The following SUGCT variants were observed in gnomAD, a reference collection of about 807,000 sequenced individuals.
SUGCT encodes succinyl-CoA:glutarate CoA-transferase.
In SUGCT, 41 loss-of-function variants were observed where a neutral mutation model predicts 55.0. That is an observed-to-expected ratio of 0.74 (90% CI 0.58 to 0.97). SUGCT has a LOEUF of 0.97. Among genes scored for constraint, SUGCT ranks in the 50% least tolerant of loss-of-function variants. The pLI is 0.00. For missense variants in SUGCT, 568 were observed against 547.8 expected, an observed-to-expected ratio of 1.04 and a Z score of -0.37; for synonymous variants, 187 against 200.4, an observed-to-expected ratio of 0.93 and a Z score of 0.56.
intron 7 of SUGCT, among the ~76,000 whole-genome samples, chr7:40,242,320 T>C (rs1042095258): frequency 7.2e-5 from 11 of 152,018 alleles, no homozygotes; most frequent in African/African-American, 2.7e-4. Context: ...ATTATAGGCA[T>C]GTGCCACCAT....
chr7:40,883,687 AG>A, the SUGCT span, among the ~76,000 whole-genome samples: 1 of 152,220 alleles, frequency 6.6e-6, no homozygotes, highest in South Asian at 2.1e-4. Flanking sequence ...CTAGAAGTTA[AG>A]GGTGGGACTT....
intron 13 of SUGCT, among the ~76,000 whole-genome samples, chr7:40,764,464 A>T (rs76236638): frequency 0.013 from 2,047 of 152,278 alleles, 144 homozygotes; most frequent in East Asian, 0.091. Context: ...GGATTTAAGC[A>T]GAGATGATAT....
rs56875015 is a variant in SUGCT at position 40,355,488 on chromosome 7, T to C, written c.816+38633T>C. ...ATGTTCCCTTTTACAACCAACCCTT[T>C]TGAGCAGGAGTTGGCAGACTTTTTT... On this transcript the variant is annotated intron_variant, in intron 9 of 13. Coordinates refer to ENST00000335693, the MANE Select transcript of SUGCT (RefSeq NM_001193313.2). 1.5e-3 allele frequency among the ~76,000 whole-genome samples: 225 copies of C among 152,330 alleles called. 1 individual carries two copies. The highest frequency in any genetic ancestry group is 5.2e-3 in the African/African-American group (217 of 41,562).
At chr7:40,419,399 A>G (rs368807092) in intron 9 of SUGCT, among the ~76,000 whole-genome samples, 2 of 152,222 alleles carry the variant, frequency 1.3e-5, no homozygotes, top group South Asian at 4.1e-4. Context: ...CACTTGATTC[A>G]TTACTGAAAA....
chr7:40,430,010 T>G (rs1332910634), intron 9 of SUGCT, among the ~76,000 whole-genome samples: 1 of 152,212 alleles, frequency 6.6e-6, no homozygotes, highest in Non-Finnish European at 1.5e-5. Flanking sequence ...AAGTTCTTGT[T>G]CTTTTTTAAA....
intron 1 of SUGCT, among the ~76,000 whole-genome samples, chr7:40,140,106 G>A (rs1424243681): frequency 6.6e-6 from 1 of 152,036 alleles, no homozygotes; most frequent in Admixed American, 6.6e-5. Context: ...GTTTCTCCAT[G>A]TTGGTCAGGC....
chr7:40,602,434 G>A (rs538032667), intron 12 of SUGCT, among the ~76,000 whole-genome samples: 2 of 152,296 alleles, frequency 1.3e-5, no homozygotes, highest in East Asian at 1.9e-4. Flanking sequence ...GAAAGAGCAG[G>A]GAGGAGGAGG....
At chr7:40,954,325 A>T in the SUGCT span, among the ~76,000 whole-genome samples, 1 of 152,112 alleles carries the variant, frequency 6.6e-6, no homozygotes, top group Non-Finnish European at 1.5e-5. Flanking sequence ...GGTGGGAGTG[A>T]CCCAATTTTC....
intron 12 of SUGCT, among the ~76,000 whole-genome samples, chr7:40,621,752 T>A (rs1799274700): frequency 6.6e-6 from 1 of 152,202 alleles, no homozygotes; most frequent in Admixed American, 6.5e-5. Context: ...CATCTGGCTA[T>A]CTTATCTTTA....
At chr7:40,713,242 G>C (rs1268173547) in intron 12 of SUGCT, among the ~76,000 whole-genome samples, 1 of 152,124 alleles carries the variant, frequency 6.6e-6, no homozygotes, top group Admixed American at 6.5e-5. Flanking sequence ...GACTGCTGCA[G>C]GCTGACCCTC....
intron 13 of SUGCT, among the ~76,000 whole-genome samples, chr7:40,843,062 G>A (rs1793355811): frequency 6.6e-6 from 1 of 152,074 alleles, no homozygotes; most frequent in East Asian, 1.9e-4. Flanking sequence ...TCCCTCTTGA[G>A]GAAATACAAA....
intron 9 of SUGCT, among the ~76,000 whole-genome samples, chr7:40,400,660 T>C (rs1484204813): frequency 6.6e-6 from 1 of 152,220 alleles, no homozygotes; most frequent in Non-Finnish European, 1.5e-5. Context: ...ACTGCTCCTC[T>C]AACTGGCATT....
intron 6 of SUGCT, among the ~76,000 whole-genome samples, chr7:40,216,904 A>G (rs751797770): frequency 5.9e-5 from 9 of 151,656 alleles, no homozygotes; most frequent in Non-Finnish European, 7.4e-5. Flanking sequence ...CCCTCTCCAT[A>G]TAAGAAAGAA....
intron 12 of SUGCT, among the ~76,000 whole-genome samples, chr7:40,742,477 C>T (rs1006752726): frequency 6.6e-6 from 1 of 152,112 alleles, no homozygotes; most frequent in East Asian, 1.9e-4. Flanking sequence ...AGCGTCCAAC[C>T]GAGATCCCTC....
At chr7:40,434,794 G>T (rs1481178715) in intron 9 of SUGCT, among the ~76,000 whole-genome samples, 1 of 152,142 alleles carries the variant, frequency 6.6e-6, no homozygotes, top group Non-Finnish European at 1.5e-5. Flanking sequence ...GGTGCTTGTT[G>T]CCTGCTACCT....
intron 7 of SUGCT, among the ~76,000 whole-genome samples, chr7:40,245,221 A>AT (rs1230317061): frequency 9.1e-5 from 13 of 143,586 alleles, no homozygotes; most frequent in African/African-American, 2.3e-4. Flanking sequence ...TGCCCGGCTA[A>AT]TTTTTTTTTG....
chr7:40,519,707 G>A (rs1396944030), intron 12 of SUGCT, among the ~76,000 whole-genome samples: 2 of 151,904 alleles, frequency 1.3e-5, no homozygotes, highest in Non-Finnish European at 2.9e-5. Context: ...AAGACAAGCT[G>A]TTGATATATT....
chr7:40,181,404 A>T (rs1212870870), intron 2 of SUGCT, among the ~76,000 whole-genome samples: 1 of 152,136 alleles, frequency 6.6e-6, no homozygotes, highest in Non-Finnish European at 1.5e-5. Flanking sequence ...CTTGTACACA[A>T]ATGTTTCCCT....
At chr7:40,621,456 G>A (rs1433577282) in intron 12 of SUGCT, among the ~76,000 whole-genome samples, 1 of 152,142 alleles carries the variant, frequency 6.6e-6, no homozygotes, top group Non-Finnish European at 1.5e-5. Context: ...AGGGAAGAGT[G>A]GGTTGGAGTA....
Sources: gnomAD v4.1 joint callset for allele counts (sites outside exome capture counted in the v4.1 genomes callset) on GRCh38, gnomAD v4.1.1 for gene constraint, MANE v1.5 for transcripts, NCBI Gene and HGNC (gene_info 2026-07-23, HGNC 2026-07-21) for gene names.